Variants in RANBP2 observed in about 807,000 individuals in gnomAD.
RANBP2 encodes the protein RAN binding protein 2.
A neutral mutation model predicts 303.6 loss-of-function variants in RANBP2; 57 were observed. That is an observed-to-expected ratio of 0.19 (90% CI 0.15 to 0.23). The LOEUF (loss-of-function observed/expected upper bound fraction) is 0.23. Among genes scored for constraint, RANBP2 ranks in the 10% least tolerant of loss-of-function variants. The probability of loss-of-function intolerance (pLI) is 1.00; values close to 1 mark genes in which losing one functional copy is unlikely to be tolerated. For missense variants in RANBP2, 3,138 were observed against 3,780.8 expected, an observed-to-expected ratio of 0.83 and a Z score of 4.46; for synonymous variants, 1,167 against 1,301.5, an observed-to-expected ratio of 0.90 and a Z score of 2.23.
At chr2:109,023,628 C>A in the RANBP2 span, among the ~76,000 whole-genome samples, 1 of 152,154 alleles carries the variant, frequency 6.6e-6, no homozygotes, top group East Asian at 1.9e-4. Flanking sequence ...CAAAGTGAGA[C>A]CCTGTCTCTA....
chr2:108,942,418 A>T, the RANBP2 span, among the ~76,000 whole-genome samples: 1 of 152,186 alleles, frequency 6.6e-6, no homozygotes, highest in Non-Finnish European at 1.5e-5. Context: ...AAGCGAGTCA[A>T]GGGGCCTGGG....
the RANBP2 span, among the ~76,000 whole-genome samples, chr2:109,360,759 G>A: frequency 6.6e-6 from 1 of 152,210 alleles, no homozygotes; most frequent in South Asian, 2.1e-4. Context: ...CATGTCATCT[G>A]TAAACAAAGG....
the RANBP2 span, among the ~76,000 whole-genome samples, chr2:109,632,461 G>A: frequency 6.6e-6 from 1 of 152,156 alleles, no homozygotes; most frequent in Non-Finnish European, 1.5e-5. Context: ...TTGAATTGCT[G>A]TACACCCAGC....
downstream of RANBP2, chr2:108,785,948 C>T (rs1468141568): frequency 1.3e-5 from 2 of 152,120 alleles, no homozygotes; most frequent in Admixed American, 1.3e-4. Flanking sequence ...TCCAGAGATG[C>T]AGCTGACAGT....
chr2:109,461,781 A>G, the RANBP2 span, among the ~76,000 whole-genome samples: 1 of 152,250 alleles, frequency 6.6e-6, no homozygotes, highest in African/African-American at 2.4e-5. Flanking sequence ...GTGGTAGAGC[A>G]TCTTTCACAG....
At chr2:108,852,171 A>G in the RANBP2 span, among the ~76,000 whole-genome samples, 369 of 152,360 alleles carry the variant, frequency 2.4e-3, 5 homozygotes, top group African/African-American at 8.6e-3. Flanking sequence ...AATTTTACAA[A>G]TGAGGAAATT....
the RANBP2 span, among the ~76,000 whole-genome samples, chr2:109,369,884 A>C: frequency 2.0e-5 from 3 of 152,202 alleles, no homozygotes; most frequent in African/African-American, 7.2e-5. Flanking sequence ...GAGGCCTGTA[A>C]GTCCCGAATT....
the RANBP2 span, chr2:108,911,141 C>T: frequency 6.7e-5 from 106 of 1,593,414 alleles, no homozygotes; most frequent in East Asian, 1.9e-3. Context: ...TCCAGGACTC[C>T]GGCCCCTGGA....
the RANBP2 span, among the ~76,000 whole-genome samples, chr2:108,890,070 G>A: frequency 6.6e-6 from 1 of 151,888 alleles, no homozygotes; most frequent in Non-Finnish European, 1.5e-5. Flanking sequence ...GTCTAGGAAA[G>A]ACTAGTTCTC....
chr2:109,511,883 G>T, the RANBP2 span, among the ~76,000 whole-genome samples: 1 of 152,186 alleles, frequency 6.6e-6, no homozygotes, highest in African/African-American at 2.4e-5. Flanking sequence ...CCGAGGTGGG[G>T]GTGGCCCATG....
the RANBP2 span, among the ~76,000 whole-genome samples, chr2:109,568,347 A>T: frequency 1.3e-5 from 2 of 148,520 alleles, no homozygotes; most frequent in Non-Finnish European, 3.0e-5. Flanking sequence ...TTATACACTC[A>T]TTCCTACAGA....
At chr2:109,408,781 C>T in the RANBP2 span, among the ~76,000 whole-genome samples, 16 of 152,250 alleles carry the variant, frequency 1.1e-4, no homozygotes, top group Non-Finnish European at 1.6e-4. Context: ...AATGGATGCA[C>T]AGTTGGATGT....
the RANBP2 span, among the ~76,000 whole-genome samples, chr2:109,483,857 C>T: frequency 6.6e-6 from 1 of 152,114 alleles, no homozygotes; most frequent in South Asian, 2.1e-4. Flanking sequence ...CCCCACCATC[C>T]CCTGCTTAGC....
At chr2:109,415,505 G>A in the RANBP2 span, among the ~76,000 whole-genome samples, 1 of 152,144 alleles carries the variant, frequency 6.6e-6, no homozygotes, top group African/African-American at 2.4e-5. Flanking sequence ...AGCCCCCTGA[G>A]CGTGTCCAGA....
At chr2:109,558,399 A>T in the RANBP2 span, among the ~76,000 whole-genome samples, 1 of 152,182 alleles carries the variant, frequency 6.6e-6, no homozygotes. Context: ...TCTTCCTTTC[A>T]AAGCTACAGG....
the RANBP2 span, among the ~76,000 whole-genome samples, chr2:108,992,597 T>TA: frequency 6.6e-6 from 1 of 152,244 alleles, no homozygotes; most frequent in Non-Finnish European, 1.5e-5. Flanking sequence ...AGTAAACTTC[T>TA]GGTTACCTGC....
chr2:109,402,435 G>A, the RANBP2 span, among the ~76,000 whole-genome samples: 1 of 152,262 alleles, frequency 6.6e-6, no homozygotes, highest in Non-Finnish European at 1.5e-5. Context: ...CAGCATTGCT[G>A]TGTCATGGGC....
chr2:109,182,121 T>G, the RANBP2 span, among the ~76,000 whole-genome samples: 1 of 152,242 alleles, frequency 6.6e-6, no homozygotes, highest in African/African-American at 2.4e-5. Context: ...GAGGTTTGTC[T>G]TACTTAGTTT....
the RANBP2 span, among the ~76,000 whole-genome samples, chr2:109,467,319 C>T: frequency 5.9e-5 from 9 of 152,256 alleles, no homozygotes; most frequent in African/African-American, 1.7e-4. Context: ...AAGAAACCAG[C>T]TGCTGATACA....
Sources: gnomAD v4.1 joint callset for allele counts (sites outside exome capture counted in the v4.1 genomes callset) on GRCh38, gnomAD v4.1.1 for gene constraint, MANE v1.5 for transcripts, NCBI Gene and HGNC (gene_info 2026-07-23, HGNC 2026-07-21) for gene names.